The following NEK10 variants were observed in gnomAD, a reference collection of about 807,000 sequenced individuals.
The protein encoded by NEK10 is NIMA related kinase 10.
In NEK10, 122 loss-of-function variants were observed where a neutral mutation model predicts 159.8. The observed-to-expected ratio is 0.76, with a 90% CI of 0.66 to 0.89. NEK10 has a LOEUF of 0.89. NEK10 is among the 40% of genes least tolerant of loss of function. The pLI, the probability that NEK10 is intolerant of heterozygous loss-of-function variation, is 0.00. For missense variants in NEK10, 1,342 were observed against 1,323.1 expected, an observed-to-expected ratio of 1.01 and a Z score of -0.22; for synonymous variants, 466 against 457.1, an observed-to-expected ratio of 1.02 and a Z score of -0.25.
intron 3 of NEK10, among the ~76,000 whole-genome samples, chr3:27,349,154 T>C (rs770834008): frequency 2.6e-5 from 4 of 152,000 alleles, no homozygotes; most frequent in Non-Finnish European, 5.9e-5. Flanking sequence ...ACGTTCTCTG[T>C]TGCTGATGGA....
At chr3:27,316,317 T>C (rs967966067) in intron 6 of NEK10, among the ~76,000 whole-genome samples, 1 of 151,928 alleles carries the variant, frequency 6.6e-6, no homozygotes, top group Admixed American at 6.6e-5. Context: ...AGCGATATGA[T>C]CAACGGAACA....
At chr3:27,181,631 A>G (rs1156289180) in intron 26 of NEK10, among the ~76,000 whole-genome samples, 2 of 152,144 alleles carry the variant, frequency 1.3e-5, no homozygotes, top group African/African-American at 4.8e-5. Context: ...TCCCTATTTA[A>G]AATAGCCTGT....
At chr3:27,335,503 A>C (rs762445204) in intron 5 of NEK10, among the ~76,000 whole-genome samples, 76 of 152,216 alleles carry the variant, frequency 5.0e-4, no homozygotes, top group Non-Finnish European at 8.2e-4. Flanking sequence ...ATTAGACCAA[A>C]TGAACATAAC....
At chr3:27,192,324 C>A in intron 25 of NEK10, 82 bp from the exon 26 acceptor site, 1 of 947,030 alleles carries the variant, frequency 1.1e-6, no homozygotes, top group Non-Finnish European at 1.7e-6. Flanking sequence ...GGTTAAACTC[C>A]ACTGTGTGTC....
intron 30 of NEK10, among the ~76,000 whole-genome samples, chr3:27,154,728 C>A (rs949039632): frequency 1.1e-4 from 16 of 152,132 alleles, no homozygotes; most frequent in Admixed American, 9.8e-4. Context: ...GCAGAAAAAG[C>A]ATTCAACAAA....
chr3:27,326,033 C>T (rs2045973740), intron 5 of NEK10, among the ~76,000 whole-genome samples: 1 of 152,140 alleles, frequency 6.6e-6, no homozygotes, highest in Non-Finnish European at 1.5e-5. Flanking sequence ...TTATCCAAGG[C>T]CACATCCAGG....
intron 5 of NEK10, among the ~76,000 whole-genome samples, chr3:27,342,835 TC>T (rs2047293530): frequency 6.6e-6 from 1 of 152,132 alleles, no homozygotes; most frequent in African/African-American, 2.4e-5. Flanking sequence ...GAACTTTATT[TC>T]CTAATACCAC....
chr3:27,347,748 C>T (rs945097911), intron 3 of NEK10, among the ~76,000 whole-genome samples: 1 of 152,118 alleles, frequency 6.6e-6, no homozygotes, highest in Non-Finnish European at 1.5e-5. Context: ...CAATCTACAA[C>T]CACCAAAAGA....
chr3:27,275,517 T>C (rs1338545077), intron 22 of NEK10, among the ~76,000 whole-genome samples: 1 of 152,198 alleles, frequency 6.6e-6, no homozygotes, highest in Non-Finnish European at 1.5e-5. Context: ...TCTGTAGTCT[T>C]TTAAGAGTAC....
rs775278560 is a variant in NEK10 at position 27,109,780 on chromosome 3, T to C, written c.*1492A>G. On this transcript the variant is annotated 3_prime_UTR_variant, in exon 36 of 36. Coordinates refer to ENST00000691995, the MANE Select transcript of NEK10 (RefSeq NM_001394966.1). Reference sequence around the variant, plus strand: ...AATTTCACATATGGATAGAATTAGTTTGAAAGCTGAAACTGAAATTTTCAT... The same window carrying C: ...AATTTCACATATGGATAGAATTAGTCTGAAAGCTGAAACTGAAATTTTCAT... Among the ~76,000 whole-genome samples, 9 of 152,208 alleles carry C rather than the reference T, an allele frequency of 5.9e-5. No homozygotes were observed. The highest frequency in any genetic ancestry group is 1.3e-4 in the Admixed American group (2 of 15,286).
chr3:27,159,221 T>C (rs1945782367), intron 30 of NEK10, among the ~76,000 whole-genome samples: 1 of 152,200 alleles, frequency 6.6e-6, no homozygotes, highest in Admixed American at 6.5e-5. Context: ...TTAGGTAATG[T>C]TCCTTTACAG....
intron 26 of NEK10, among the ~76,000 whole-genome samples, chr3:27,176,718 T>C (rs1390432576): frequency 1.3e-5 from 2 of 152,226 alleles, no homozygotes; most frequent in African/African-American, 2.4e-5. Context: ...TGACCTTTTT[T>C]ATTCTAAGTA....
At chr3:27,140,217 G>T (rs1201462775) in intron 31 of NEK10, among the ~76,000 whole-genome samples, 4 of 152,132 alleles carry the variant, frequency 2.6e-5, no homozygotes, top group Non-Finnish European at 2.9e-5. Flanking sequence ...ACAGAAACCT[G>T]CCCTAAGTTG....
At chr3:27,241,669 T>G (rs1476067834) in intron 23 of NEK10, among the ~76,000 whole-genome samples, 2 of 152,174 alleles carry the variant, frequency 1.3e-5, no homozygotes, top group African/African-American at 4.8e-5. Context: ...TTATTCATGT[T>G]TCCTAGGATC....
intron 22 of NEK10, among the ~76,000 whole-genome samples, chr3:27,257,681 G>A (rs1187342378): frequency 6.6e-6 from 1 of 152,076 alleles, no homozygotes; most frequent in African/African-American, 2.4e-5. Flanking sequence ...TTAAAAGACA[G>A]GACTCAGGAA....
At chr3:27,256,769 C>T (rs551299782) in intron 22 of NEK10, among the ~76,000 whole-genome samples, 1 of 152,134 alleles carries the variant, frequency 6.6e-6, no homozygotes, top group Non-Finnish European at 1.5e-5. Flanking sequence ...AATCACAGTA[C>T]AAGTATGTTC....
intron 31 of NEK10, among the ~76,000 whole-genome samples, chr3:27,139,734 A>G (rs964677735): frequency 3.9e-5 from 6 of 152,148 alleles, no homozygotes; most frequent in Admixed American, 6.5e-5. Context: ...AAAATGCCAG[A>G]GCTTCTCTGG....
intron 22 of NEK10, among the ~76,000 whole-genome samples, chr3:27,264,398 G>A (rs1222380210): frequency 1.3e-5 from 2 of 152,152 alleles, no homozygotes; most frequent in African/African-American, 4.8e-5. Flanking sequence ...TTGACAAAAT[G>A]TAAGTAAATC....
chr3:27,345,803 C>A (rs2047511581), intron 4 of NEK10, among the ~76,000 whole-genome samples: 2 of 152,166 alleles, frequency 1.3e-5, no homozygotes, highest in Non-Finnish European at 2.9e-5. Flanking sequence ...ACAAGCCTAA[C>A]CAGGTCAATA....
Sources: gnomAD v4.1 joint callset for allele counts (sites outside exome capture counted in the v4.1 genomes callset) on GRCh38, gnomAD v4.1.1 for gene constraint, MANE v1.5 for transcripts, NCBI Gene and HGNC (gene_info 2026-07-23, HGNC 2026-07-21) for gene names.